Variants in ATXN7L1 observed in about 807,000 individuals in gnomAD.
The protein encoded by ATXN7L1 is ataxin 7 like 1, also known as ataxin-7-like protein 1.
In ATXN7L1, 15 loss-of-function variants were observed where a neutral mutation model predicts 70.8. That is an observed-to-expected ratio of 0.21 (90% CI 0.14 to 0.33). The LOEUF (loss-of-function observed/expected upper bound fraction) is 0.33. Ranked by LOEUF, ATXN7L1 falls within the 10% of genes least tolerant of loss-of-function variation. The probability of loss-of-function intolerance (pLI) is 1.00; values close to 1 mark genes in which losing one functional copy is unlikely to be tolerated. For missense variants in ATXN7L1, 975 were observed against 1,097.1 expected (o/e 0.89, Z 1.57); for synonymous variants, 440 against 445.1 (o/e 0.99, Z 0.14).
intron 2 of ATXN7L1, among the ~76,000 whole-genome samples, chr7:105,864,629 CG>C (rs902229679): frequency 5.3e-5 from 8 of 151,078 alleles, no homozygotes; most frequent in Admixed American, 1.3e-4. Context: ...CAGATTCATT[CG>C]TTTTTTTTTT....
At chr7:105,718,335 A>G (rs1255542386) in intron 3 of ATXN7L1, among the ~76,000 whole-genome samples, 1 of 152,226 alleles carries the variant, frequency 6.6e-6, no homozygotes, top group Non-Finnish European at 1.5e-5. Flanking sequence ...CCAGCAAGTA[A>G]GCAGTCCGAA....
At chr7:105,785,481 C>CA (rs1363222337) in intron 3 of ATXN7L1, among the ~76,000 whole-genome samples, 1 of 151,776 alleles carries the variant, frequency 6.6e-6, no homozygotes, top group Non-Finnish European at 1.5e-5. Context: ...ACCCAAAAGA[C>CA]AAAACGAAAC....
intron 2 of ATXN7L1, among the ~76,000 whole-genome samples, chr7:105,805,937 G>A (rs1344864658): frequency 6.6e-6 from 1 of 152,214 alleles, no homozygotes; most frequent in Non-Finnish European, 1.5e-5. Flanking sequence ...AGAATGCAGA[G>A]AGCAGTGATC....
chr7:105,637,166 G>A (rs1213561310), intron 7 of ATXN7L1, among the ~76,000 whole-genome samples: 1 of 152,222 alleles, frequency 6.6e-6, no homozygotes, highest in Non-Finnish European at 1.5e-5. Context: ...GCGTCCTCCT[G>A]AATGCCTGAG....
intron 2 of ATXN7L1, chr7:105,819,881 CT>C: frequency 1.7e-6 from 1 of 579,976 alleles, no homozygotes; most frequent in Non-Finnish European, 3.3e-6. Context: ...CATCTGAAGC[CT>C]ACAAGAAACT....
intron 3 of ATXN7L1, among the ~76,000 whole-genome samples, chr7:105,700,961 T>C (rs1193048734): frequency 6.6e-6 from 1 of 152,168 alleles, no homozygotes; most frequent in Non-Finnish European, 1.5e-5. Context: ...GGATTATAGG[T>C]GTTAGCTACT....
chr7:105,699,352 A>C (rs1792151458), intron 3 of ATXN7L1, among the ~76,000 whole-genome samples: 1 of 151,882 alleles, frequency 6.6e-6, no homozygotes, highest in Non-Finnish European at 1.5e-5. Context: ...GGCTGGTCTC[A>C]AACTCCTGAC....
intron 3 of ATXN7L1, among the ~76,000 whole-genome samples, chr7:105,733,728 T>TTCCA (rs1796987136): frequency 4.3e-5 from 2 of 46,466 alleles, no homozygotes; most frequent in African/African-American, 1.2e-4. Context: ...CCATCCATCC[T>TTCCA]TCCATCCATC....
chr7:105,825,573 G>A (rs1321967356), intron 2 of ATXN7L1, among the ~76,000 whole-genome samples: 2 of 131,250 alleles, frequency 1.5e-5, no homozygotes, highest in East Asian at 1.9e-4. Flanking sequence ...AAGTGGAATT[G>A]CCAATATTGC....
chr7:105,753,561 A>C, intron 3 of ATXN7L1, among the ~76,000 whole-genome samples: 1 of 152,334 alleles, frequency 6.6e-6, no homozygotes, highest in Middle Eastern at 3.4e-3. Context: ...TGAGATTGAC[A>C]CAAGTGACTA....
chr7:105,623,387 C>A (rs1249071576), intron 8 of ATXN7L1, among the ~76,000 whole-genome samples: 1 of 152,188 alleles, frequency 6.6e-6, no homozygotes, highest in Non-Finnish European at 1.5e-5. Context: ...CGTACGCAAA[C>A]AATAAACAAG....
chr7:105,734,061 C>T (rs1797117305), intron 3 of ATXN7L1, among the ~76,000 whole-genome samples: 1 of 152,176 alleles, frequency 6.6e-6, no homozygotes, highest in African/African-American at 2.4e-5. Flanking sequence ...TTATCTTTCT[C>T]TCTGGATTGT....
At chr7:105,769,330 G>A (rs992217168) in intron 3 of ATXN7L1, among the ~76,000 whole-genome samples, 2 of 152,228 alleles carry the variant, frequency 1.3e-5, no homozygotes, top group Non-Finnish European at 2.9e-5. Context: ...CCATGGAAGC[G>A]TGACCATGCC....
At chr7:105,723,136 A>G (rs1795397401) in intron 3 of ATXN7L1, among the ~76,000 whole-genome samples, 1 of 152,114 alleles carries the variant, frequency 6.6e-6, no homozygotes, top group Non-Finnish European at 1.5e-5. Context: ...GGGGTGTATC[A>G]TTTCATACTG....
chr7:105,766,622 C>T (rs1408732261), intron 3 of ATXN7L1, among the ~76,000 whole-genome samples: 1 of 152,130 alleles, frequency 6.6e-6, no homozygotes, highest in Non-Finnish European at 1.5e-5. Context: ...GGTTACAACC[C>T]CGAAGCCAGG....
At chr7:105,787,093 A>C (rs1286949391) in intron 3 of ATXN7L1, among the ~76,000 whole-genome samples, 5 of 151,582 alleles carry the variant, frequency 3.3e-5, no homozygotes, top group African/African-American at 1.2e-4. Context: ...GGAGAGGTTT[A>C]ACCCTTTCTC....
intron 3 of ATXN7L1, among the ~76,000 whole-genome samples, chr7:105,733,677 TCCACCCATCCAC>T (rs1796963559): frequency 1.1e-4 from 8 of 74,370 alleles, no homozygotes; most frequent in African/African-American, 2.3e-4. Flanking sequence ...CATCCATCCA[TCCACCCATCCAC>T]CCATCCATCC....
chr7:105,653,230 T>G (rs1800124934), intron 4 of ATXN7L1, among the ~76,000 whole-genome samples: 1 of 152,100 alleles, frequency 6.6e-6, no homozygotes, highest in African/African-American at 2.4e-5. Flanking sequence ...GGTGGATCAC[T>G]TGAGGTCAGG....
chr7:105,796,797 A>G (rs1448606313), intron 2 of ATXN7L1, among the ~76,000 whole-genome samples: 1 of 152,194 alleles, frequency 6.6e-6, no homozygotes, highest in African/African-American at 2.4e-5. Context: ...GGCAATATAC[A>G]AAGATGTTTC....
Sources: allele counts gnomAD v4.1 joint callset (sites outside exome capture counted in the v4.1 genomes callset), GRCh38; gene constraint gnomAD v4.1.1; transcripts MANE v1.5; gene names NCBI Gene and HGNC (gene_info 2026-07-23, HGNC 2026-07-21).